Variants in EML4 observed in about 807,000 individuals in gnomAD.
The protein encoded by EML4 is echinoderm microtubule-associated protein-like 4.
Under a neutral mutation model 129.0 loss-of-function variants are expected in EML4, and 72 were observed. The ratio of observed to expected loss-of-function variants is 0.56; its 90% confidence interval spans 0.46 to 0.68. The LOEUF is 0.68. EML4 is among the 30% of genes least tolerant of loss of function. The pLI is 0.00. For missense variants in EML4, 1,363 were observed against 1,190.6 expected, an observed-to-expected ratio of 1.14 and a Z score of -2.13; for synonymous variants, 532 against 405.0, an observed-to-expected ratio of 1.31 and a Z score of -3.77.
intron 2 of EML4, among the ~76,000 whole-genome samples, chr2:42,253,140 C>T (rs1252391012): frequency 6.6e-6 from 1 of 152,126 alleles, no homozygotes; most frequent in Non-Finnish European, 1.5e-5. Context: ...ATAAAAAGTA[C>T]TTAGTTTAGG....
chr2:42,210,620 C>A (rs1672834480), intron 1 of EML4, among the ~76,000 whole-genome samples: 1 of 152,276 alleles, frequency 6.6e-6, no homozygotes, highest in African/African-American at 2.4e-5. Context: ...ATTTAGAATT[C>A]TTCTGTTCCC....
At chr2:42,287,034 A>G (rs1017101880) in intron 10 of EML4, among the ~76,000 whole-genome samples, 2 of 152,210 alleles carry the variant, frequency 1.3e-5, no homozygotes, top group African/African-American at 4.8e-5. Context: ...TCAACCTTCT[A>G]TATTTTAGGA....
chr2:42,224,137 G>T (rs984647190), intron 1 of EML4, among the ~76,000 whole-genome samples: 2 of 152,044 alleles, frequency 1.3e-5, no homozygotes, highest in African/African-American at 2.4e-5. Flanking sequence ...TCACAGAGTT[G>T]TGCACAATCC....
At chr2:42,182,344 C>T (rs1411293898) in intron 1 of EML4, among the ~76,000 whole-genome samples, 1 of 142,994 alleles carries the variant, frequency 7.0e-6, no homozygotes, top group East Asian at 2.2e-4. Flanking sequence ...CTTGCTTGTT[C>T]AGGTTCTGAT....
intron 3 of EML4, among the ~76,000 whole-genome samples, chr2:42,260,458 G>T (rs765780692): frequency 2.6e-5 from 4 of 152,164 alleles, no homozygotes; most frequent in African/African-American, 9.7e-5. Context: ...GAGCCAGTGC[G>T]CCCAGCCGCC....
chr2:42,297,950 A>T (rs1339820683), intron 13 of EML4, among the ~76,000 whole-genome samples: 1 of 152,196 alleles, frequency 6.6e-6, no homozygotes, highest in East Asian at 1.9e-4. Context: ...GTGAATCTTC[A>T]AAGTAATTAG....
intron 1 of EML4, among the ~76,000 whole-genome samples, chr2:42,214,669 A>G (rs1439466373): frequency 2.0e-5 from 3 of 152,118 alleles, no homozygotes; most frequent in Non-Finnish European, 4.4e-5. Flanking sequence ...TCCACTAAGG[A>G]TACATGGTGA....
chr2:42,234,250 G>T (rs1246842008), intron 1 of EML4, among the ~76,000 whole-genome samples: 1 of 152,226 alleles, frequency 6.6e-6, no homozygotes, highest in Non-Finnish European at 1.5e-5. Flanking sequence ...TGTGTGGTAG[G>T]CCATCTGGAC....
At chr2:42,229,546 C>T (rs1674188697) in intron 1 of EML4, among the ~76,000 whole-genome samples, 1 of 152,042 alleles carries the variant, frequency 6.6e-6, no homozygotes, top group African/African-American at 2.4e-5. Flanking sequence ...TTGCAAGAGT[C>T]ACCCATTCAC....
intron 1 of EML4, among the ~76,000 whole-genome samples, chr2:42,203,715 G>GA (rs912033635): frequency 3.9e-4 from 56 of 141,796 alleles, no homozygotes; most frequent in South Asian, 1.6e-3. Flanking sequence ...ATAAAGAGGG[G>GA]AAAAAAAAAA....
intron 1 of EML4, among the ~76,000 whole-genome samples, chr2:42,245,090 C>CTTTTTTTTTTTTTTTTTT (rs960416568): frequency 2.1e-4 from 3 of 14,512 alleles, no homozygotes; most frequent in Admixed American, 9.9e-4. Context: ...TTGAAATTTT[C>CTTTTTTTTTTTTTTTTTT]TTTCTTTTTT....
chr2:42,329,644 T>C (rs543378664), intron 22 of EML4, 90 bp from the exon 23 acceptor site: 49 of 1,052,276 alleles, frequency 4.7e-5, no homozygotes, highest in Admixed American at 8.1e-5. Flanking sequence ...ACAAGCTGAG[T>C]TTACCCCCCT....
intron 1 of EML4, among the ~76,000 whole-genome samples, chr2:42,175,889 CATGTT>C (rs1396955333): frequency 6.6e-6 from 1 of 152,150 alleles, no homozygotes; most frequent in Non-Finnish European, 1.5e-5. Flanking sequence ...CTGATGTTAA[CATGTT>C]AATGTACTTG....
intron 1 of EML4, among the ~76,000 whole-genome samples, chr2:42,206,236 C>T (rs1055456041): frequency 4.6e-5 from 7 of 152,110 alleles, no homozygotes; most frequent in Non-Finnish European, 8.8e-5. Context: ...TTTTTAGAGA[C>T]AGGGTCTCAC....
intron 1 of EML4, among the ~76,000 whole-genome samples, chr2:42,231,122 T>C (rs1396494442): frequency 6.6e-6 from 1 of 152,244 alleles, no homozygotes; most frequent in Non-Finnish European, 1.5e-5. Flanking sequence ...GCAGTTATGC[T>C]TCTGTTCCCA....
At chr2:42,226,544 C>CCG (rs1673970219) in intron 1 of EML4, among the ~76,000 whole-genome samples, 1 of 147,242 alleles carries the variant, frequency 6.8e-6, no homozygotes, top group Admixed American at 6.7e-5. Flanking sequence ...GTAATCCCAG[C>CCG]CACTCGGGAG....
intron 1 of EML4, among the ~76,000 whole-genome samples, chr2:42,183,172 T>C (rs1203657847): frequency 6.6e-6 from 1 of 152,172 alleles, no homozygotes; most frequent in Non-Finnish European, 1.5e-5. Flanking sequence ...GCTCCCAGAA[T>C]GGAAATCTAA....
rs148393333 is a variant in EML4 at position 42,319,260 on chromosome 2, G to A, written c.2154+1736G>A. Among the ~76,000 whole-genome samples the A allele has an allele frequency of 1.6e-4, 24 of 152,152 alleles. No individual in the cohort carries two copies. In the East Asian group the frequency reaches 2.5e-3, roughly 16 times the overall value. ...AGTAATGCCTCAGGTTTTTCATTTC[G>A]TGTCTTATTTTACTGTACAACTGAT... On this transcript the variant is annotated intron_variant, in intron 19 of 22. Transcript: ENST00000318522.
At chr2:42,276,031 A>G (rs1258553567) in intron 6 of EML4, among the ~76,000 whole-genome samples, 2 of 152,160 alleles carry the variant, frequency 1.3e-5, no homozygotes, top group Non-Finnish European at 2.9e-5. Flanking sequence ...TGATTGTAAG[A>G]TCAAGAAGCC....
Sources: allele counts gnomAD v4.1 joint callset (sites outside exome capture counted in the v4.1 genomes callset), GRCh38; gene constraint gnomAD v4.1.1; transcripts MANE v1.5; gene names NCBI Gene and HGNC (gene_info 2026-07-23, HGNC 2026-07-21).